Variants in KLHDC1 observed in about 807,000 individuals in gnomAD.
KLHDC1 encodes the protein kelch domain containing 1, also known as kelch domain-containing protein 1.
A neutral mutation model predicts 68.3 loss-of-function variants in KLHDC1; 53 were observed. The observed-to-expected ratio is 0.78, with a 90% CI of 0.62 to 0.98. The LOEUF is 0.98. Ranked by LOEUF, KLHDC1 falls within the 50% of genes least tolerant of loss-of-function variation. The pLI is 0.00. For synonymous variants in KLHDC1, 148 were observed against 159.0 expected (o/e 0.93, Z 0.52); for missense variants, 470 against 492.3 (o/e 0.95, Z 0.43).
intron 10 of KLHDC1, among the ~76,000 whole-genome samples, chr14:49,739,496 G>A (rs1038525361): frequency 6.6e-6 from 1 of 152,186 alleles, no homozygotes; most frequent in Admixed American, 6.5e-5. Context: ...ATGGTGTTCT[G>A]TACTCAGAGT....
chr14:49,709,602 T>C, intron 2 of KLHDC1, 107 bp from the exon 3 acceptor site: 3 of 560,262 alleles, frequency 5.4e-6, no homozygotes, highest in Non-Finnish European at 9.5e-6. Flanking sequence ...ATTGTAACTG[T>C]AATTGACAGT....
Position 49,693,394 on chromosome 14 carries a change from G to A in KLHDC1, c.96+104G>A, listed in dbSNP as rs117370851. On this transcript the variant is annotated intron_variant, in intron 1 of 12. Coordinates refer to ENST00000359332, the MANE Select transcript of KLHDC1 (RefSeq NM_172193.3). ...GCTCCCGAGGCTGCGGCCCAGGCCTGGCGCGCCCGGCGCCTGCAGCCCCCC... is the reference window on the plus strand; with the variant it reads ...GCTCCCGAGGCTGCGGCCCAGGCCTAGCGCGCCCGGCGCCTGCAGCCCCCC... The A allele has an allele frequency of 6.3e-4, 480 of 756,170 alleles. 9 individuals are homozygous for A. The East Asian group carries it at 0.016, about 24-fold the overall frequency. The allele number at this position is 756,170 out of a possible 1,614,324, so 46.8% of individuals were successfully genotyped here.
At chr14:49,733,396 C>T (rs1390580087) in intron 9 of KLHDC1, among the ~76,000 whole-genome samples, 1 of 151,420 alleles carries the variant, frequency 6.6e-6, no homozygotes, top group African/African-American at 2.4e-5. Flanking sequence ...CTTAATTTGG[C>T]ATGTTAGATG....
At chr14:49,727,145 G>A (rs1378584429) in intron 6 of KLHDC1, among the ~76,000 whole-genome samples, 1 of 152,168 alleles carries the variant, frequency 6.6e-6, no homozygotes, top group Non-Finnish European at 1.5e-5. Flanking sequence ...CTACTCGGGA[G>A]GCTGAGGCAG....
intron 8 of KLHDC1, among the ~76,000 whole-genome samples, chr14:49,731,689 A>T (rs1280019338): frequency 6.6e-6 from 1 of 151,702 alleles, no homozygotes; most frequent in African/African-American, 2.4e-5. Context: ...CCCTTTTATT[A>T]TTATGATTAT....
At chr14:49,734,895 A>G (rs1043587972) in intron 10 of KLHDC1, among the ~76,000 whole-genome samples, 26 of 152,234 alleles carry the variant, frequency 1.7e-4, no homozygotes, top group African/African-American at 6.3e-4. Flanking sequence ...TTATTCTTTT[A>G]GGTAAATGCA....
intron 12 of KLHDC1, among the ~76,000 whole-genome samples, chr14:49,744,663 AC>A (rs1889157058): frequency 6.6e-6 from 1 of 152,108 alleles, no homozygotes. Context: ...AATTCCTAAT[AC>A]AATTTAAATA....
intron 7 of KLHDC1, 106 bp downstream of exon 7, chr14:49,729,115 A>C: frequency 3.9e-6 from 3 of 764,510 alleles, no homozygotes; most frequent in Non-Finnish European, 6.8e-6. Flanking sequence ...CTAGAGATTA[A>C]AATGGCATTC....
chr14:49,709,009 TTGATA>T, intron 1 of KLHDC1, 145 bp from the exon 2 acceptor site: 1 of 452,008 alleles, frequency 2.2e-6, no homozygotes, highest in East Asian at 3.9e-5. Flanking sequence ...TCCTTTTCTT[TTGATA>T]TATTTTATTT....
chr14:49,713,850 A>AT lies in KLHDC1; in HGVS notation c.404+3486dup, dbSNP rs869250721. On this transcript the variant is annotated intron_variant, in intron 4 of 12. Transcript: ENST00000359332. ...TATATATATATATATATATATATATATTTTTTTTTTTTTTTTTCCTGAGAC... is the reference window on the plus strand; with the variant it reads ...TATATATATATATATATATATATATATTTTTTTTTTTTTTTTTTCCTGAGAC... Among the ~76,000 whole-genome samples, 26 of 50,226 alleles carry AT rather than the reference A, an allele frequency of 5.2e-4. 2 individuals are homozygous for AT. The highest frequency in any genetic ancestry group is 2.3e-3 in the African/African-American group (26 of 11,474). The allele number at this position is 50,226 out of a possible 152,430, so 33.0% of individuals were successfully genotyped here. A position where few individuals can be genotyped will look rare whatever the true frequency, so the allele number is the denominator to read the frequency against.
rs1887621219 is a variant in KLHDC1, at chr14:49,693,276, T to G, written c.82T>G (p.Trp28Gly). 1.3e-6 allele frequency: 2 copies of G among 1,552,996 alleles called. No homozygotes were observed. Among genetic ancestry groups the G allele is most frequent in the Non-Finnish European group, 1.7e-6 (2 of 1,151,104 alleles). The change falls in exon 1 of 13, where the codon TGG becomes GGG. Residue 28 changes from tryptophan to glycine, a missense_variant. Transcript: ENST00000359332. ...GGTGGACGGAAACTTCCTCTACGTG[T>G]GGGGGGGCTACGTGGTAAGGGGAAG... ...AVVDGNFLYV[W>G]GGYVSIEDNE...
chr14:49,701,274 T>A lies in KLHDC1; in HGVS notation c.97-7885T>A, dbSNP rs922709205. Among the ~76,000 whole-genome samples the A allele has an allele frequency of 4.8e-4, 73 of 152,114 alleles. 1 individual carries two copies. The highest frequency in any genetic ancestry group is 1.7e-3 in the African/African-American group (70 of 41,428). On this transcript the variant is annotated intron_variant, in intron 1 of 12. Coordinates refer to ENST00000359332, the MANE Select transcript of KLHDC1 (RefSeq NM_172193.3). ...GATTGAAGGCTTAAATACAGAAAAA[T>A]TAAGCTATATAATACTGGAAGAGAA... is the stretch of plus-strand genomic sequence containing the variant.
intron 6 of KLHDC1, 42 bp from the exon 7 acceptor site, chr14:49,728,884 A>T: frequency 2.3e-6 from 3 of 1,332,276 alleles, no homozygotes; most frequent in Non-Finnish European, 3.3e-6. Context: ...TTTATTACAG[A>T]TATTTCAAGT....
rs774546401 is a variant in KLHDC1, at chr14:49,697,655, T to C, written c.96+4365T>C. 2.1e-4 allele frequency among the ~76,000 whole-genome samples: 32 copies of C among 152,316 alleles called. 1 individual carries two copies. The highest frequency in any genetic ancestry group is 1.0e-3 in the Admixed American group (16 of 15,302). ...AAATGAGGTATGCCTATACTGTGTG[T>C]GTTAAATAATTCTCAGATTCAAGTT... On this transcript the variant is annotated intron_variant, in intron 1 of 12. Transcript: ENST00000359332.
chr14:49,746,472 A>G (rs1354905228), intron 12 of KLHDC1, among the ~76,000 whole-genome samples: 1 of 152,172 alleles, frequency 6.6e-6, no homozygotes, highest in African/African-American at 2.4e-5. Flanking sequence ...CCAGGAGATA[A>G]TGGTAGCACA....
At position 49,705,365 on chromosome 14, in the gene KLHDC1, C is replaced by CTTTTTTTTTTTTTTTTTTTTTTTTT. The variant is rs59444333; in HGVS notation, c.97-3773_97-3772insTTTTTTTTTTTTTTTTTTTTTTTTT. ...TCACTTTCATAATATTTCTTTCTTT[C>CTTTTTTTTTTTTTTTTTTTTTTTTT]TTTTTTTTTTTTTTTTTTTTTGAGA... On this transcript the variant is annotated intron_variant, in intron 1 of 12. Transcript: ENST00000359332. Among the ~76,000 whole-genome samples the CTTTTTTTTTTTTTTTTTTTTTTTTT allele has an allele frequency of 7.0e-5, 5 of 71,672 alleles. 1 individual carries two copies. The highest frequency in any genetic ancestry group is 2.6e-4 in the Admixed American group (1 of 3,916). The allele number at this position is 71,672 out of a possible 152,430, so 47.0% of individuals were successfully genotyped here. A position where few individuals can be genotyped will look rare whatever the true frequency, so the allele number is the denominator to read the frequency against.
At chr14:49,748,341 G>T (rs1040887240) in intron 12 of KLHDC1, among the ~76,000 whole-genome samples, 2 of 152,204 alleles carry the variant, frequency 1.3e-5, no homozygotes, top group African/African-American at 4.8e-5. Flanking sequence ...CTGTGAAAAT[G>T]GAGATGAGGG....
At chr14:49,716,628 C>T (rs1366496513) in intron 4 of KLHDC1, among the ~76,000 whole-genome samples, 2 of 152,088 alleles carry the variant, frequency 1.3e-5, no homozygotes, top group East Asian at 1.9e-4. Context: ...AGGTGATCCG[C>T]GCACCTCAGC....
intron 12 of KLHDC1, among the ~76,000 whole-genome samples, chr14:49,748,156 T>C (rs924186524): frequency 2.0e-5 from 3 of 152,130 alleles, no homozygotes; most frequent in Non-Finnish European, 2.9e-5. Flanking sequence ...TGAAAAGGTT[T>C]CTCCACACAG....
Sources: gnomAD v4.1 joint callset for allele counts (sites outside exome capture counted in the v4.1 genomes callset) on GRCh38, gnomAD v4.1.1 for gene constraint, MANE v1.5 for transcripts, NCBI Gene and HGNC (gene_info 2026-07-23, HGNC 2026-07-21) for gene names.